ERI1: variants seen among roughly 807,000 people sequenced by gnomAD.
The protein encoded by ERI1 is 3'-5' exoribonuclease 1.
Under a neutral mutation model 39.7 loss-of-function variants are expected in ERI1, and 39 were observed. That is an observed-to-expected ratio of 0.98 (90% CI 0.76 to 1.28). ERI1 has a LOEUF of 1.28. ERI1 is among the 50% of genes most tolerant of loss of function. The pLI is 0.00. For synonymous variants in ERI1, 204 were observed against 149.6 expected, an observed-to-expected ratio of 1.36 and a Z score of -2.65; for missense variants, 581 against 416.9, an observed-to-expected ratio of 1.39 and a Z score of -3.43.
intron 3 of ERI1, among the ~76,000 whole-genome samples, chr8:9,048,007 A>C (rs1169801240): frequency 6.6e-6 from 1 of 152,196 alleles, no homozygotes; most frequent in Non-Finnish European, 1.5e-5. Context: ...TCTCTTGTCC[A>C]AGGCCACAAA....
chr8:9,074,651 C>G (rs1799152595), intron 3 of ERI1, among the ~76,000 whole-genome samples: 1 of 152,126 alleles, frequency 6.6e-6, no homozygotes, highest in Non-Finnish European at 1.5e-5. Flanking sequence ...CCAGGCTGGT[C>G]TCAAACTCCT....
intron 3 of ERI1, among the ~76,000 whole-genome samples, chr8:9,057,225 G>A (rs888585885): frequency 2.6e-5 from 4 of 152,032 alleles, no homozygotes; most frequent in Non-Finnish European, 5.9e-5. Context: ...GCTCACTGCA[G>A]CCTTGACCTC....
intron 3 of ERI1, among the ~76,000 whole-genome samples, chr8:9,095,299 C>G (rs1443286988): frequency 2.6e-5 from 4 of 152,154 alleles, no homozygotes; most frequent in Non-Finnish European, 5.9e-5. Context: ...TTAAACCCAT[C>G]ACCCAAATAG....
intron 5 of ERI1, among the ~76,000 whole-genome samples, chr8:9,019,813 A>G (rs1367392522): frequency 1.3e-5 from 2 of 152,170 alleles, no homozygotes; most frequent in South Asian, 2.1e-4. Context: ...TTCCACTGCT[A>G]TTATTCTGAC....
At chr8:9,071,215 G>A (rs1393389442) in intron 3 of ERI1, among the ~76,000 whole-genome samples, 1 of 152,196 alleles carries the variant, frequency 6.6e-6, no homozygotes, top group Non-Finnish European at 1.5e-5. Context: ...CATCTACGAG[G>A]TCAGTTTTTC....
At chr8:9,015,278 C>T (rs1334801104) in intron 3 of ERI1, among the ~76,000 whole-genome samples, 38 of 152,110 alleles carry the variant, frequency 2.5e-4, no homozygotes, top group Non-Finnish European at 5.9e-5. Flanking sequence ...AAATCTTCTG[C>T]CATGAAGAAT....
Position 9,003,138 on chromosome 8 carries a change from G to A in ERI1, c.75G>A (p.Glu25=). ...ALALLESPRP[E]GGEEPPRPSP... is the part of the protein sequence containing the mutation. ...CGCTGCTGGAGTCGCCGCGGCCGGA[G>A]GGCGGGGAGGAGCCGCCGCGTCCCA... Residue 25 remains glutamate (E), a synonymous_variant, in exon 1 of 7, where the codon GAG becomes GAA. Coordinates refer to ENST00000250263, the MANE Select transcript of ERI1 (RefSeq NM_153332.4). The A allele has an allele frequency of 4.8e-6, 6 of 1,245,004 alleles. No homozygotes were observed. The highest frequency in any genetic ancestry group is 6.1e-6 in the Non-Finnish European group (6 of 990,390). 77.1% of individuals were successfully genotyped at this position (1,245,004 alleles called of 1,614,324 possible).
At position 9,030,183 on chromosome 8, in the gene ERI1, T is replaced by C; in HGVS notation, c.*149T>C. On this transcript the variant is annotated 3_prime_UTR_variant, in exon 7 of 7. Transcript: ENST00000250263. ...GGTGATAGAGATAGATACATGTATG[T>C]GAACAGATTTTGTAGGAAGGCATAC... is the stretch of plus-strand genomic sequence containing the variant. 1 of 1,057,476 alleles carries C rather than the reference T, an allele frequency of 9.5e-7. No individual in the cohort carries two copies. 65.5% of individuals were successfully genotyped at this position (1,057,476 alleles called of 1,614,324 possible). A position where few individuals can be genotyped will look rare whatever the true frequency, so the allele number is the denominator to read the frequency against.
chr8:9,015,983 A>C (rs988569048), intron 3 of ERI1, among the ~76,000 whole-genome samples: 12 of 152,174 alleles, frequency 7.9e-5, no homozygotes, highest in Admixed American at 3.9e-4. Context: ...TTTAAAACTT[A>C]GTATCTTGAA....
At chr8:9,023,263 T>C (rs1225656453) in intron 6 of ERI1, among the ~76,000 whole-genome samples, 1 of 152,186 alleles carries the variant, frequency 6.6e-6, no homozygotes, top group East Asian at 1.9e-4. Context: ...TATCTGGATT[T>C]TGTAATCATA....
intron 3 of ERI1, among the ~76,000 whole-genome samples, chr8:9,078,539 G>T (rs1799275698): frequency 6.6e-6 from 1 of 152,012 alleles, no homozygotes; most frequent in Admixed American, 6.6e-5. Flanking sequence ...CTGTTGTGAG[G>T]GTGTTTTTTA....
At chr8:9,020,593 C>G (rs916094547) in intron 6 of ERI1, 129 bp downstream of exon 6, 1 of 586,576 alleles carries the variant, frequency 1.7e-6, no homozygotes, top group African/African-American at 1.9e-5. Context: ...TCTTACTCTT[C>G]AGATTCCAAA....
chr8:9,079,196 CTGACAGCAGGCCTTTG>C (rs1289283503), intron 3 of ERI1, among the ~76,000 whole-genome samples: 1 of 152,140 alleles, frequency 6.6e-6, no homozygotes, highest in African/African-American at 2.4e-5. Flanking sequence ...CTGAAAATTG[CTGACAGCAGGCCTTTG>C]GTAAAAGGGT....
chr8:9,075,344 A>G (rs189341779), intron 3 of ERI1, among the ~76,000 whole-genome samples: 43 of 152,308 alleles, frequency 2.8e-4, no homozygotes, highest in African/African-American at 9.1e-4. Flanking sequence ...TGAGGGAGAC[A>G]TGTATTGGGA....
intron 3 of ERI1, among the ~76,000 whole-genome samples, chr8:9,069,473 G>C (rs1469197449): frequency 6.6e-6 from 1 of 152,134 alleles, no homozygotes; most frequent in Non-Finnish European, 1.5e-5. Context: ...GGATCAAAGG[G>C]GACTGTATCA....
In ERI1 at chr8:9,016,330, G is replaced by A. The variant is rs762490722; in HGVS notation, c.507G>A (p.Thr169=). The part of the protein sequence containing the change: ...LNTHTLEIED[T]FQQYVRPEIN... ...CTATCCTTCCCTTGCAGGAAGACAC[G>A]TTTCAGCAGTATGTAAGACCAGAGA... Residue 169 remains threonine, a synonymous_variant, in exon 4 of 7, where the codon ACG becomes ACA. Coordinates refer to ENST00000250263, the MANE Select transcript of ERI1 (RefSeq NM_153332.4). The A allele has an allele frequency of 4.4e-6, 7 of 1,598,518 alleles. No homozygotes were observed. The highest frequency in any genetic ancestry group is 2.3e-5 in the East Asian group (1 of 44,074).
At position 9,042,232 on chromosome 8, in the gene ERI1, G is replaced by A. The variant is rs140166945; in HGVS notation, n.299+21768G>A. 4.4e-3 allele frequency among the ~76,000 whole-genome samples: 671 copies of A among 152,240 alleles called. 1 individual carries two copies. Among genetic ancestry groups the A allele is most frequent in the Non-Finnish European group, 6.7e-3 (459 of 68,006 alleles). ...GCATTGCCAGAATGCCTCACCCAGC[G>A]TATGTTTTGTACGCTGTGTCCTTGG... On this transcript the variant is annotated intron_variant and non_coding_transcript_variant, in intron 3 of 3. Transcript: ENST00000518663.
chr8:9,071,579 T>C (rs1799051863), intron 3 of ERI1, among the ~76,000 whole-genome samples: 1 of 152,214 alleles, frequency 6.6e-6, no homozygotes, highest in Non-Finnish European at 1.5e-5. Flanking sequence ...AGGAATGCTT[T>C]CTCCAGATAG....
intron 6 of ERI1, among the ~76,000 whole-genome samples, chr8:9,022,947 G>T (rs765982858): frequency 6.6e-6 from 1 of 152,106 alleles, no homozygotes; most frequent in Non-Finnish European, 1.5e-5. Context: ...AGCTCCAAAA[G>T]CTAAGGGTCA....
Sources: allele counts gnomAD v4.1 joint callset (sites outside exome capture counted in the v4.1 genomes callset), GRCh38; gene constraint gnomAD v4.1.1; transcripts MANE v1.5; gene names NCBI Gene and HGNC (gene_info 2026-07-23, HGNC 2026-07-21).